Variants in GRM4 observed in about 807,000 individuals in gnomAD.
GRM4 encodes metabotropic glutamate receptor 4.
GRM4 carries 28 observed loss-of-function variants against 81.7 expected under a neutral mutation model. The ratio of observed to expected loss-of-function variants is 0.34; its 90% CI spans 0.25 to 0.47. GRM4 has a LOEUF of 0.47. GRM4 is among the 20% of genes least tolerant of loss of function. GRM4 has a pLI of 1.00. For synonymous variants in GRM4, 488 were observed against 528.8 expected (o/e 0.92, Z 1.06); for missense variants, 948 against 1,290.0 (o/e 0.73, Z 4.06).
intron 9 of GRM4, among the ~76,000 whole-genome samples, chr6:34,032,347 C>T (rs3778047): frequency 0.011 from 1,675 of 152,324 alleles, 15 homozygotes; most frequent in East Asian, 0.023. Context: ...TGACAACAGC[C>T]ACACCCCGCT....
chr6:34,065,519 C>T lies in GRM4; in HGVS notation c.737-3491G>A, dbSNP rs550523302. Among the ~76,000 whole-genome samples the T allele has an allele frequency of 7.9e-5, 12 of 152,274 alleles. No individual in the cohort carries two copies. In the East Asian group the frequency reaches 1.7e-3, roughly 22 times the overall value. On this transcript the variant is annotated intron_variant, in intron 3 of 10. Transcript: ENST00000538487. ...CCCAGGCTCCAGGCACAGGACCATA[C>T]GGGGAGGGGGACACACATGAAGAAG...
At chr6:34,084,885 G>A (rs1356979937) in intron 3 of GRM4, among the ~76,000 whole-genome samples, 2 of 152,132 alleles carry the variant, frequency 1.3e-5, no homozygotes, top group South Asian at 2.1e-4. Context: ...TGGAGCCCCC[G>A]CAGTCCTGGG....
chr6:34,075,752 T>C (rs1767279068), intron 3 of GRM4, among the ~76,000 whole-genome samples: 1 of 152,232 alleles, frequency 6.6e-6, no homozygotes, highest in South Asian at 2.1e-4. Flanking sequence ...TCCTGGCACA[T>C]TAGTGCTCAG....
At chr6:34,026,257 C>T (rs565902550) in intron 10 of GRM4, among the ~76,000 whole-genome samples, 34 of 152,280 alleles carry the variant, frequency 2.2e-4, no homozygotes, top group African/African-American at 7.5e-4. Context: ...CTGCTCACAC[C>T]CCCTCCATCC....
At position 34,020,133 on chromosome 6, in the gene GRM4, T is replaced by A. The variant is rs1249072020; in HGVS notation, c.*2688A>T. On this transcript the variant is annotated 3_prime_UTR_variant, in exon 11 of 11. Coordinates refer to ENST00000538487, the MANE Select transcript of GRM4 (RefSeq NM_000841.4). ...ACCCACCTCATTCTAACAGTCATTT[T>A]ACTTTGGGACACAGTCTGCTGTATC... 2 of 152,396 alleles carry A rather than the reference T, an allele frequency of 1.3e-5. No individual in the cohort carries two copies. Among genetic ancestry groups the A allele is most frequent in the Admixed American group, 1.3e-4 (2 of 15,294 alleles). The allele number at this position is 152,396 out of a possible 1,614,324, so 9.4% of individuals were successfully genotyped here. A position where few individuals can be genotyped will look rare whatever the true frequency, so the allele number is the denominator to read the frequency against.
chr6:34,020,584 C>T lies in GRM4; in HGVS notation c.*2237G>A, dbSNP rs999542889. On this transcript the variant is annotated 3_prime_UTR_variant, in exon 11 of 11. Coordinates refer to ENST00000538487, the MANE Select transcript of GRM4 (RefSeq NM_000841.4). ...CTTTTGGGAGATACCCTTGATCTGG[C>T]AACCTAGTTCTGCCTGACCGGGCTG... 2.2e-5 allele frequency: 3 copies of T among 137,000 alleles called. No homozygotes were observed. Among genetic ancestry groups the T allele is most frequent in the South Asian group, 4.8e-4 (2 of 4,154 alleles). The allele number at this position is 137,000 out of a possible 1,614,324, so 8.5% of individuals were successfully genotyped here. A position where few individuals can be genotyped will look rare whatever the true frequency, so the allele number is the denominator to read the frequency against.
chr6:34,027,606 G>A (rs1764195413), intron 10 of GRM4, among the ~76,000 whole-genome samples: 1 of 152,208 alleles, frequency 6.6e-6, no homozygotes, highest in Non-Finnish European at 1.5e-5. Context: ...GAACAAAGCC[G>A]AGCTGGGTGT....
rs566487465 is a variant in GRM4 at position 34,100,895 on chromosome 6, G to A, written c.520-8796C>T. Among the ~76,000 whole-genome samples, 3 of 152,298 alleles carry A rather than the reference G, an allele frequency of 2.0e-5. No homozygotes were observed. The East Asian group carries it at 5.8e-4, about 29-fold the overall frequency. ...CCTGAGCACTGTTCCAGCCCAGCCC[G>A]GGTCCCTGAGTAGAGTGCCTAGCCA... On this transcript the variant is annotated intron_variant, in intron 2 of 10. Coordinates refer to ENST00000538487, the MANE Select transcript of GRM4 (RefSeq NM_000841.4).
At chr6:34,110,595 G>T in intron 2 of GRM4, 1 of 695,430 alleles carries the variant, frequency 1.4e-6, no homozygotes, top group Non-Finnish European at 2.5e-6. Flanking sequence ...AGAGGTTGTT[G>T]CTGAATATCT....
rs1765484017 is a variant in GRM4, at chr6:34,048,994, T to C, written c.1168+7550A>G. 6.6e-6 allele frequency among the ~76,000 whole-genome samples: 1 copy of C among 152,144 alleles called. No homozygotes were observed. The highest frequency in any genetic ancestry group is 2.4e-5 in the African/African-American group (1 of 41,420). On this transcript the variant is annotated intron_variant, in intron 6 of 10. Transcript: ENST00000538487. This position sits in a 1 kb window ranked among gnomAD's most constrained non-coding sequence, Gnocchi z 4.0. ...ACAACTAACACACTAGGTCTTTCTC[T>C]TTAAGGTAGAAATACGAGGTCATTT...
At chr6:34,124,980 T>C (rs1769966767) in intron 2 of GRM4, among the ~76,000 whole-genome samples, 1 of 149,530 alleles carries the variant, frequency 6.7e-6, no homozygotes, top group Admixed American at 6.7e-5. Context: ...CCACACTTAC[T>C]TTTTTTTTTC....
At chr6:34,076,460 G>C (rs1767318721) in intron 3 of GRM4, among the ~76,000 whole-genome samples, 1 of 152,188 alleles carries the variant, frequency 6.6e-6, no homozygotes, top group Non-Finnish European at 1.5e-5. Flanking sequence ...CGGGGGGCTG[G>C]GTCAAGCCCC....
At chr6:34,139,180 G>A (rs1032238355) in intron 1 of GRM4, among the ~76,000 whole-genome samples, 11 of 152,106 alleles carry the variant, frequency 7.2e-5, no homozygotes, top group African/African-American at 1.9e-4. Flanking sequence ...CACCAGCCTC[G>A]ACCAGGAAGC....
chr6:34,066,289 C>T (rs1176170172), intron 3 of GRM4, among the ~76,000 whole-genome samples: 1 of 152,048 alleles, frequency 6.6e-6, no homozygotes, highest in Non-Finnish European at 1.5e-5. Flanking sequence ...ATGGAAACAA[C>T]CTAAATGTTT....
Position 34,145,653 on chromosome 6 carries a change from A to G in GRM4, c.-364+347T>C, listed in dbSNP as rs984375287. On this transcript the variant is annotated intron_variant, in intron 1 of 10. Transcript: ENST00000538487. ...AGGCGCTGAGAGGGGAGGCTGCGGG[A>G]GAGGGCGGGAGAGCCGGGAAGCGCA... Among the ~76,000 whole-genome samples, 19 of 152,260 alleles carry G rather than the reference A, an allele frequency of 1.2e-4. No individual in the cohort carries two copies. The East Asian group carries it at 3.5e-3, about 28-fold the overall frequency.
At chr6:34,039,429 G>A (rs985726785) in intron 8 of GRM4, among the ~76,000 whole-genome samples, 8 of 152,190 alleles carry the variant, frequency 5.3e-5, no homozygotes, top group Admixed American at 1.3e-4. Flanking sequence ...GTCTATCCAC[G>A]GGGTCACAGT....
In GRM4 at chr6:34,096,421, C is replaced by A. The variant is rs917501306; in HGVS notation, c.520-4322G>T. ...CCTCCAGAGGGGGCCTAGCCTCCCA[C>A]AGCACTGAATGCGGCTGCCCCAAGG... On this transcript the variant is annotated intron_variant, in intron 2 of 10. Coordinates refer to ENST00000538487, the MANE Select transcript of GRM4 (RefSeq NM_000841.4). 5.3e-5 allele frequency among the ~76,000 whole-genome samples: 8 copies of A among 152,356 alleles called. No individual in the cohort carries two copies. In the East Asian group the frequency reaches 1.5e-3, roughly 29 times the overall value.
In GRM4 at chr6:34,021,631, A is replaced by AT. The variant is rs1323345030; in HGVS notation, c.*1189dup. 2 of 152,136 alleles carry AT rather than the reference A, an allele frequency of 1.3e-5. No individual in the cohort carries two copies. Among genetic ancestry groups the AT allele is most frequent in the Non-Finnish European group, 2.9e-5 (2 of 68,118 alleles). 9.4% of individuals were successfully genotyped at this position (152,136 alleles called of 1,614,324 possible). A position where few individuals can be genotyped will look rare whatever the true frequency, so the allele number is the denominator to read the frequency against. ...GGACTACTAGGTGCTGATTCCTGGA[A>AT]TTTCCTGCAATGTCCCTGCCCCTTA... On this transcript the variant is annotated 3_prime_UTR_variant, in exon 11 of 11. Transcript: ENST00000538487. This position sits in a 1 kb window ranked among gnomAD's most constrained non-coding sequence, Gnocchi z 5.3.
At chr6:34,026,848 T>C (rs1764157479) in intron 10 of GRM4, among the ~76,000 whole-genome samples, 1 of 152,170 alleles carries the variant, frequency 6.6e-6, no homozygotes, top group South Asian at 2.1e-4. Context: ...GGGAAAAGCA[T>C]ATCTGACAGA....
Sources: gnomAD v4.1 joint callset for allele counts (sites outside exome capture counted in the v4.1 genomes callset) on GRCh38, gnomAD v4.1.1 for gene constraint, Gnocchi (gnomAD v3.1) non-coding constraint, MANE v1.5 for transcripts, NCBI Gene and HGNC (gene_info 2026-07-23, HGNC 2026-07-21) for gene names.